TMEM117: variants seen among roughly 807,000 people sequenced by gnomAD.
The protein encoded by TMEM117 is transmembrane protein 117.
In TMEM117, 27 loss-of-function variants were observed where a neutral mutation model predicts 52.4. The observed-to-expected ratio is 0.51, with a 90% CI of 0.38 to 0.71. TMEM117 has a LOEUF of 0.71. Among genes scored for constraint, TMEM117 ranks in the 30% least tolerant of loss-of-function variants. TMEM117 has a pLI of 0.00. For missense variants in TMEM117, 556 were observed against 630.5 expected (o/e 0.88, Z 1.26); for synonymous variants, 215 against 206.3 (o/e 1.04, Z -0.36).
intron 6 of TMEM117, among the ~76,000 whole-genome samples, chr12:44,301,794 A>G (rs1035751443): frequency 6.6e-6 from 1 of 152,082 alleles, no homozygotes; most frequent in Non-Finnish European, 1.5e-5. Context: ...CCGACACCTC[A>G]GAGGGCAATC....
rs11182364 is a variant in TMEM117, at chr12:43,987,846, T to C, written c.410+43504T>C. 2.8e-3 allele frequency among the ~76,000 whole-genome samples: 425 copies of C among 152,244 alleles called. 9 individuals are homozygous for C. Among genetic ancestry groups the C allele is most frequent in the Admixed American group, 0.021 (314 of 15,274 alleles). ...GTAATATCTGCAAGTTATAAGTCTT[T>C]CTTGGCTTCCTCCAGGAAGTTGAAA... On this transcript the variant is annotated intron_variant, in intron 3 of 7. Transcript: ENST00000266534.
intron 2 of TMEM117, among the ~76,000 whole-genome samples, chr12:43,889,707 G>A (rs1201139273): frequency 6.6e-6 from 1 of 152,120 alleles, no homozygotes; most frequent in Admixed American, 6.5e-5. Flanking sequence ...ACTGTTGAGG[G>A]ACAGACTATA....
chr12:44,095,040 G>A (rs558118062), intron 3 of TMEM117, among the ~76,000 whole-genome samples: 11 of 151,958 alleles, frequency 7.2e-5, no homozygotes, highest in Non-Finnish European at 1.0e-4. Flanking sequence ...GTCAGGGGTG[G>A]GATCAGGGCA....
intron 5 of TMEM117, among the ~76,000 whole-genome samples, chr12:44,221,728 T>TC (rs994821226): frequency 7.2e-5 from 11 of 151,972 alleles, no homozygotes; most frequent in African/African-American, 2.4e-4. Flanking sequence ...AGACAGAGTC[T>TC]CACTCTGTCA....
chr12:44,002,338 A>T (rs1414807348), intron 3 of TMEM117, among the ~76,000 whole-genome samples: 1 of 152,200 alleles, frequency 6.6e-6, no homozygotes, highest in African/African-American at 2.4e-5. Flanking sequence ...AGATGGGCAG[A>T]TGCACGGGTA....
At chr12:44,119,127 C>T (rs1269509317) in intron 3 of TMEM117, among the ~76,000 whole-genome samples, 2 of 152,210 alleles carry the variant, frequency 1.3e-5, no homozygotes, top group African/African-American at 4.8e-5. Context: ...GTGCCAAGCA[C>T]ATCACCTTAT....
intron 4 of TMEM117, among the ~76,000 whole-genome samples, chr12:44,175,894 G>A (rs1181482757): frequency 6.6e-6 from 1 of 152,174 alleles, no homozygotes; most frequent in Admixed American, 6.5e-5. Context: ...AATGGTTTTT[G>A]TTGATATGTA....
intron 7 of TMEM117, among the ~76,000 whole-genome samples, chr12:44,378,051 A>G (rs1951966803): frequency 6.6e-6 from 1 of 152,136 alleles, no homozygotes; most frequent in African/African-American, 2.4e-5. Flanking sequence ...GCAGCATGCT[A>G]CCCTCTTGGA....
At chr12:43,849,082 T>C (rs571117697) in intron 2 of TMEM117, among the ~76,000 whole-genome samples, 3 of 152,336 alleles carry the variant, frequency 2.0e-5, no homozygotes, top group East Asian at 3.9e-4. Context: ...AGATGGCTCA[T>C]TGACACAGAG....
chr12:43,912,884 A>G (rs1944538140), intron 2 of TMEM117, among the ~76,000 whole-genome samples: 1 of 152,128 alleles, frequency 6.6e-6, no homozygotes, highest in Admixed American at 6.5e-5. Context: ...ATGTTTTTGC[A>G]TGACTTTAAA....
upstream of TMEM117, among the ~76,000 whole-genome samples, chr12:43,832,814 C>A (rs1375061614): frequency 2.6e-5 from 4 of 152,196 alleles, no homozygotes; most frequent in Non-Finnish European, 5.9e-5. Context: ...ATGCCTGTCT[C>A]CTCAAAGGTA....
At chr12:43,934,874 C>G (rs1209110198) in intron 2 of TMEM117, among the ~76,000 whole-genome samples, 2 of 152,216 alleles carry the variant, frequency 1.3e-5, no homozygotes, top group African/African-American at 2.4e-5. Context: ...TTATATAAAG[C>G]CGTGTTTGTC....
chr12:43,976,179 A>G (rs1182748002), intron 3 of TMEM117, among the ~76,000 whole-genome samples: 1 of 152,178 alleles, frequency 6.6e-6, no homozygotes, highest in African/African-American at 2.4e-5. Context: ...CTAAATGGGA[A>G]TCACCAGTGT....
chr12:44,369,347 GC>G (rs1321619426), intron 6 of TMEM117, among the ~76,000 whole-genome samples: 1 of 152,158 alleles, frequency 6.6e-6, no homozygotes, highest in Non-Finnish European at 1.5e-5. Flanking sequence ...AAAACCCGCT[GC>G]TATCTTGCCA....
chr12:44,259,409 G>A (rs1950296263), intron 5 of TMEM117, among the ~76,000 whole-genome samples: 1 of 152,110 alleles, frequency 6.6e-6, no homozygotes, highest in Non-Finnish European at 1.5e-5. Context: ...ACTGAGTCAG[G>A]ATTCAAAGCA....
At chr12:44,385,626 G>A (rs990789883) in intron 7 of TMEM117, among the ~76,000 whole-genome samples, 1 of 152,086 alleles carries the variant, frequency 6.6e-6, no homozygotes, top group African/African-American at 2.4e-5. Flanking sequence ...TTTATAAGGA[G>A]ACGGTGATCA....
intron 5 of TMEM117, among the ~76,000 whole-genome samples, chr12:44,238,396 AG>A (rs1209683789): frequency 1.3e-5 from 2 of 151,954 alleles, no homozygotes; most frequent in East Asian, 3.9e-4. Context: ...GGAAGGAGGG[AG>A]GGGAGAACCA....
At chr12:44,169,043 T>C (rs1403306571) in intron 4 of TMEM117, among the ~76,000 whole-genome samples, 2 of 152,240 alleles carry the variant, frequency 1.3e-5, no homozygotes, top group African/African-American at 4.8e-5. Flanking sequence ...ATTTCCTTCC[T>C]TTTTAAGGCT....
intron 2 of TMEM117, among the ~76,000 whole-genome samples, chr12:43,923,932 C>T (rs1202412694): frequency 6.6e-6 from 1 of 152,020 alleles, no homozygotes; most frequent in East Asian, 1.9e-4. Context: ...ACAATTTATA[C>T]TATATAGATA....
Sources: gnomAD v4.1 joint callset for allele counts (sites outside exome capture counted in the v4.1 genomes callset) on GRCh38, gnomAD v4.1.1 for gene constraint, MANE v1.5 for transcripts, NCBI Gene and HGNC (gene_info 2026-07-23, HGNC 2026-07-21) for gene names.